The following CBFA2T2 variants were observed in gnomAD, a reference collection of about 807,000 sequenced individuals.
CBFA2T2 encodes the protein protein CBFA2T2.
CBFA2T2 carries 11 observed loss-of-function variants against 62.2 expected under a neutral mutation model. The observed-to-expected ratio is 0.18, with a 90% confidence interval of 0.11 to 0.29. CBFA2T2 has a LOEUF of 0.29. Among genes scored for constraint, CBFA2T2 ranks in the 10% least tolerant of loss-of-function variants. The pLI is 1.00. For missense variants in CBFA2T2, 592 were observed against 774.1 expected (o/e 0.76, Z 2.79); for synonymous variants, 295 against 287.5 (o/e 1.03, Z -0.27).
rs979534574 is a variant in CBFA2T2, at chr20:33,645,728, A to G, written c.*1082A>G. On this transcript the variant is annotated 3_prime_UTR_variant, in exon 11 of 11. Transcript: ENST00000342704. ...ATCTGAAAAGCCCTCCTGGACCTCAAAGAATTCTTCAGACCTCATAGTTAC... is the reference window on the plus strand; with the variant it reads ...ATCTGAAAAGCCCTCCTGGACCTCAGAGAATTCTTCAGACCTCATAGTTAC... The G allele has an allele frequency of 1.3e-5, 2 of 152,240 alleles. No individual in the cohort carries two copies. The highest frequency in any genetic ancestry group is 6.5e-5 in the Admixed American group (1 of 15,270). The allele number at this position is 152,240 out of a possible 1,614,324, so 9.4% of individuals were successfully genotyped here.
At chr20:33,529,962 T>G (rs2012010637) in intron 1 of CBFA2T2, among the ~76,000 whole-genome samples, 1 of 151,852 alleles carries the variant, frequency 6.6e-6, no homozygotes, top group Non-Finnish European at 1.5e-5. Context: ...TTTTTTTGTA[T>G]TTTTAGTGGC....
chr20:33,622,327 C>A (rs2122331176), intron 4 of CBFA2T2, among the ~76,000 whole-genome samples: 1 of 152,314 alleles, frequency 6.6e-6, no homozygotes, highest in South Asian at 2.1e-4. Flanking sequence ...TATTAAAACT[C>A]TCCTTTCACT....
In CBFA2T2 at chr20:33,624,743, G is replaced by A. The variant is rs111786232; in HGVS notation, c.693-21G>A. The A allele has an allele frequency of 1.4e-4, 218 of 1,612,436 alleles. 7 individuals are homozygous for A. The African/African-American group carries it at 1.9e-3, about 14-fold the overall frequency. Reference sequence around the variant, plus strand: ...AACACTTGTTGACAGGATCAGATACGCACTTCTGCTTCTTCTACAGGAGAG... The same window carrying A: ...AACACTTGTTGACAGGATCAGATACACACTTCTGCTTCTTCTACAGGAGAG... On this transcript the variant is annotated intron_variant, in intron 5 of 10. Transcript: ENST00000342704.
intron 8 of CBFA2T2, 31 bp downstream of exon 8, chr20:33,629,945 T>C: frequency 6.4e-7 from 1 of 1,563,450 alleles, no homozygotes; most frequent in Non-Finnish European, 8.6e-7. Flanking sequence ...AAACCCAAAA[T>C]AAATGTCAGC....
In CBFA2T2 at chr20:33,640,446, G is replaced by A. The variant is rs750056034; in HGVS notation, c.1403G>A (p.Arg468Gln). The change falls in exon 10 of 11, where the codon CGA becomes CAA. Residue 468 changes from arginine to glutamine, a missense_variant. By Grantham distance (43) the Arg-to-Gln change is conservative. Around this residue, in one of 3 missense-constraint regions of CBFA2T2, gnomAD observed 58 missense variants for 123.9 expected, o/e 0.47. Transcript: ENST00000342704. ...GAAGTGATTGCAACAGAGAGAGCACGAATGGAGCAAACCATAGCGGATGTC... is the reference window on the plus strand; with the variant it reads ...GAAGTGATTGCAACAGAGAGAGCACAAATGGAGCAAACCATAGCGGATGTC... ...AFEVIATERARMEQTIADVKR... is the reference protein window; with the variant it reads ...AFEVIATERAQMEQTIADVKR... The A allele has an allele frequency of 5.0e-6, 8 of 1,614,268 alleles. No individual in the cohort carries two copies. Among genetic ancestry groups the A allele is most frequent in the Middle Eastern group, 1.6e-4 (1 of 6,062 alleles).
At chr20:33,549,098 G>T (rs1342427260) in intron 1 of CBFA2T2, among the ~76,000 whole-genome samples, 1 of 152,104 alleles carries the variant, frequency 6.6e-6, no homozygotes, top group Non-Finnish European at 1.5e-5. Context: ...TATAATCTGG[G>T]ACGAGGAAAA....
chr20:33,617,271 G>C (rs1253991835), intron 3 of CBFA2T2, among the ~76,000 whole-genome samples: 1 of 152,150 alleles, frequency 6.6e-6, no homozygotes, highest in East Asian at 1.9e-4. Context: ...CGTCTTCTCT[G>C]TGAGTCAGTA....
intron 1 of CBFA2T2, among the ~76,000 whole-genome samples, chr20:33,502,914 C>A (rs2011316512): frequency 1.3e-5 from 2 of 150,042 alleles, no homozygotes; most frequent in African/African-American, 4.9e-5. Flanking sequence ...CACGGCGAAA[C>A]CCCATCTCTA....
In CBFA2T2 at chr20:33,558,386, A is replaced by G. The variant is rs144012326; in HGVS notation, c.35-48570A>G. Among the ~76,000 whole-genome samples the G allele has an allele frequency of 4.6e-3, 693 of 152,252 alleles. 6 individuals carry two copies. Among genetic ancestry groups the G allele is most frequent in the African/African-American group, 0.016 (647 of 41,550 alleles). On this transcript the variant is annotated intron_variant, in intron 1 of 10. Coordinates refer to ENST00000342704, the MANE Select transcript of CBFA2T2 (RefSeq NM_001032999.3). The stretch of plus-strand genomic sequence containing the variant: ...GGCCTCAAGTGAGACATCTTCCTCA[A>G]TCTCCCAAGGCGCTGGGACTATAGG...
chr20:33,640,586 C>T (rs533909679), intron 10 of CBFA2T2, 55 bp downstream of exon 10: 6 of 1,518,498 alleles, frequency 4.0e-6, no homozygotes, highest in Non-Finnish European at 5.4e-6. Flanking sequence ...ACCACGCCCG[C>T]TGCCTTCCTC....
In CBFA2T2 at chr20:33,614,485, A is replaced by C. The variant is rs148538717; in HGVS notation, c.420+3150A>C. 1.1e-3 allele frequency among the ~76,000 whole-genome samples: 171 copies of C among 152,310 alleles called. 1 individual carries two copies. The East Asian group carries it at 0.026, about 23-fold the overall frequency. ...TGACAATAAGTATATTCATATTATC[A>C]TACAACCATCATCACCATCCATCTC... On this transcript the variant is annotated intron_variant, in intron 3 of 10. Transcript: ENST00000342704.
rs2017011768 is a variant in CBFA2T2, at chr20:33,645,260, A to C, written c.*614A>C. On this transcript the variant is annotated 3_prime_UTR_variant, in exon 11 of 11. Coordinates refer to ENST00000342704, the MANE Select transcript of CBFA2T2 (RefSeq NM_001032999.3). ...AATAAAAGCACCCGTAGTAGCAAAA[A>C]CATAAAACAAATAAAACTTCCCCCA... 8.3e-6 allele frequency: 1 copy of C among 120,440 alleles called. No homozygotes were observed. The highest frequency in any genetic ancestry group is 1.6e-5 in the Non-Finnish European group (1 of 61,534). The allele number at this position is 120,440 out of a possible 1,614,324, so 7.5% of individuals were successfully genotyped here. A position where few individuals can be genotyped will look rare whatever the true frequency, so the allele number is the denominator to read the frequency against.
intron 1 of CBFA2T2, among the ~76,000 whole-genome samples, chr20:33,514,125 A>C (rs2011557172): frequency 7.0e-6 from 1 of 143,562 alleles, no homozygotes; most frequent in African/African-American, 2.6e-5. Context: ...CGGGCCTCGA[A>C]CTCCTGACCT....
At chr20:33,624,161 C>T (rs2016119273) in intron 5 of CBFA2T2, among the ~76,000 whole-genome samples, 2 of 135,820 alleles carry the variant, frequency 1.5e-5, no homozygotes, top group African/African-American at 2.8e-5. Context: ...GAGTGGCTAT[C>T]AAAATATTCT....
intron 1 of CBFA2T2, among the ~76,000 whole-genome samples, chr20:33,536,471 G>A (rs2012240922): frequency 6.7e-6 from 1 of 148,988 alleles, no homozygotes; most frequent in Non-Finnish European, 1.5e-5. Flanking sequence ...TGGCCTGGCG[G>A]GGGCTGACCC....
At chr20:33,590,129 C>T (rs919008380) in intron 1 of CBFA2T2, among the ~76,000 whole-genome samples, 3 of 151,686 alleles carry the variant, frequency 2.0e-5, no homozygotes, top group Non-Finnish European at 4.4e-5. Flanking sequence ...ACCTATAGTT[C>T]CAGCTACTTG....
intron 1 of CBFA2T2, among the ~76,000 whole-genome samples, chr20:33,591,634 G>A (rs1408300376): frequency 6.6e-6 from 1 of 152,036 alleles, no homozygotes; most frequent in Admixed American, 6.6e-5. Context: ...ACGGGACTGG[G>A]CACATATACC....
chr20:33,640,756 TAGAG>T (rs958222774), intron 10 of CBFA2T2, among the ~76,000 whole-genome samples: 30 of 151,138 alleles, frequency 2.0e-4, no homozygotes, highest in South Asian at 8.3e-4. Context: ...CATATATATA[TAGAG>T]AGAGAGAGAG....
At chr20:33,555,078 G>A (rs960671799) in intron 1 of CBFA2T2, among the ~76,000 whole-genome samples, 2 of 152,208 alleles carry the variant, frequency 1.3e-5, no homozygotes, top group African/African-American at 4.8e-5. Context: ...GAACGCTGTA[G>A]CAAAGTAAAG....
Sources: allele counts gnomAD v4.1 joint callset (sites outside exome capture counted in the v4.1 genomes callset), GRCh38; gene constraint gnomAD v4.1.1; regional missense constraint gnomAD v4.1.1; transcripts MANE v1.5; gene names NCBI Gene and HGNC (gene_info 2026-07-23, HGNC 2026-07-21).